Variants in PSTPIP2 observed in about 807,000 individuals in gnomAD.
PSTPIP2 encodes proline-serine-threonine phosphatase interacting protein 2.
In PSTPIP2, 33 loss-of-function variants were observed where a neutral mutation model predicts 63.3. The observed-to-expected ratio is 0.52, with a 90% CI of 0.40 to 0.70. PSTPIP2 has a LOEUF of 0.70. PSTPIP2 is among the 30% of genes least tolerant of loss of function. PSTPIP2 has a pLI of 0.00. For synonymous variants in PSTPIP2, 125 were observed against 132.7 expected, an observed-to-expected ratio of 0.94 and a Z score of 0.40; for missense variants, 312 against 400.7, an observed-to-expected ratio of 0.78 and a Z score of 1.89.
At chr18:46,040,130 G>A in intron 1 of PSTPIP2, 83 bp from the exon 2 acceptor site, 1 of 1,175,104 alleles carries the variant, frequency 8.5e-7, no homozygotes, top group Non-Finnish European at 1.2e-6. Context: ...AAAGAGGTGG[G>A]AAGCTGGCCA....
chr18:46,037,205 T>C (rs912611148), intron 2 of PSTPIP2, among the ~76,000 whole-genome samples: 1 of 152,136 alleles, frequency 6.6e-6, no homozygotes, highest in Non-Finnish European at 1.5e-5. Flanking sequence ...CAGGCTGGAG[T>C]GCAATGGCGA....
intron 1 of PSTPIP2, among the ~76,000 whole-genome samples, chr18:46,041,877 C>T (rs895056416): frequency 2.6e-5 from 4 of 152,278 alleles, no homozygotes; most frequent in Non-Finnish European, 1.5e-5. Context: ...CTCTTCCCAG[C>T]GCCAGTTTGC....
intron 14 of PSTPIP2, among the ~76,000 whole-genome samples, chr18:45,986,012 G>T (rs532887724): frequency 2.0e-5 from 3 of 152,032 alleles, no homozygotes; most frequent in African/African-American, 7.2e-5. Flanking sequence ...CCTGACCTCA[G>T]GTGATCCGCC....
At chr18:46,029,605 A>G (rs932863872) in intron 2 of PSTPIP2, 2 of 770,082 alleles carry the variant, frequency 2.6e-6, no homozygotes, top group Non-Finnish European at 4.8e-6. Flanking sequence ...AATGAAAGCT[A>G]TAATGAACTT....
chr18:46,062,165 T>C (rs1028785428), intron 1 of PSTPIP2, among the ~76,000 whole-genome samples: 2 of 152,162 alleles, frequency 1.3e-5, no homozygotes, highest in African/African-American at 4.8e-5. Flanking sequence ...TCAGTCTCCC[T>C]ACCCTGAACA....
intron 5 of PSTPIP2, among the ~76,000 whole-genome samples, chr18:46,010,057 C>A (rs565152847): frequency 2.0e-5 from 3 of 152,078 alleles, no homozygotes; most frequent in Middle Eastern, 3.2e-3. Context: ...ATGGAAGAGG[C>A]AGTAGTGTGC....
At chr18:46,009,147 A>G (rs1185251449) in intron 5 of PSTPIP2, among the ~76,000 whole-genome samples, 2 of 152,096 alleles carry the variant, frequency 1.3e-5, no homozygotes, top group Non-Finnish European at 2.9e-5. Flanking sequence ...CCACCTTCAT[A>G]AAACATTAGC....
chr18:46,031,718 A>T (rs1907792807), intron 2 of PSTPIP2, among the ~76,000 whole-genome samples: 1 of 152,112 alleles, frequency 6.6e-6, no homozygotes, highest in East Asian at 1.9e-4. Context: ...ATCCATTAAG[A>T]TTTCTTTAGA....
chr18:46,027,034 C>A (rs1188392016), intron 2 of PSTPIP2, among the ~76,000 whole-genome samples: 1 of 152,122 alleles, frequency 6.6e-6, no homozygotes, highest in Non-Finnish European at 1.5e-5. Flanking sequence ...ATGGCTCACA[C>A]CTGTAATCCC....
chr18:46,035,584 G>A (rs929536946), intron 2 of PSTPIP2, among the ~76,000 whole-genome samples: 3 of 152,088 alleles, frequency 2.0e-5, no homozygotes, highest in Admixed American at 2.0e-4. Flanking sequence ...CATCCAAAGC[G>A]TGCTCACCAA....
intron 3 of PSTPIP2, among the ~76,000 whole-genome samples, chr18:46,021,848 C>CAAAAAAAAAAAAAAAAAAAAAAAAA (rs59094808): frequency 3.0e-5 from 1 of 33,286 alleles, no homozygotes; most frequent in Non-Finnish European, 6.6e-5. Context: ...GACTCTGTCT[C>CAAAAAAAAAAAAAAAAAAAAAAAAA]AAAAAAAAAA....
intron 5 of PSTPIP2, among the ~76,000 whole-genome samples, chr18:46,006,627 G>A (rs538221419): frequency 6.6e-6 from 1 of 151,870 alleles, no homozygotes; most frequent in Non-Finnish European, 1.5e-5. Context: ...ACCCACCTCG[G>A]CCTCCCAAAG....
At chr18:46,044,717 A>G (rs1212714260) in intron 1 of PSTPIP2, among the ~76,000 whole-genome samples, 1 of 152,204 alleles carries the variant, frequency 6.6e-6, no homozygotes, top group Non-Finnish European at 1.5e-5. Flanking sequence ...CAGAGTGAAC[A>G]GGCAACCTAC....
At chr18:46,015,989 A>C in intron 3 of PSTPIP2, 52 bp from the exon 4 acceptor site, 1 of 1,569,178 alleles carries the variant, frequency 6.4e-7, no homozygotes, top group Non-Finnish European at 8.7e-7. Flanking sequence ...TCTCTGCACA[A>C]TCTTATTATA....
At chr18:46,064,959 A>T (rs1395118883) in intron 1 of PSTPIP2, among the ~76,000 whole-genome samples, 1 of 151,794 alleles carries the variant, frequency 6.6e-6, no homozygotes, top group Non-Finnish European at 1.5e-5. Flanking sequence ...AGCCTGACCA[A>T]CATGGAAAAA....
Position 46,032,628 on chromosome 18 carries a change from C to T in PSTPIP2, c.134+7319G>A, listed in dbSNP as rs551262191. Among the ~76,000 whole-genome samples the T allele has an allele frequency of 2.0e-5, 3 of 151,872 alleles. No individual in the cohort carries two copies. The South Asian group carries it at 6.2e-4, about 32-fold the overall frequency. The stretch of plus-strand genomic sequence containing the variant: ...AAATTAGCTGGTATGGTAGTGTGCA[C>T]CTGTCATCCCAGCTACTCAGGAGGC... On this transcript the variant is annotated intron_variant, in intron 2 of 14. Transcript: ENST00000409746.
chr18:46,028,117 C>T (rs1907647757), intron 2 of PSTPIP2, among the ~76,000 whole-genome samples: 1 of 152,194 alleles, frequency 6.6e-6, no homozygotes, highest in Non-Finnish European at 1.5e-5. Flanking sequence ...GCCAAGATCG[C>T]GCCATTGCAC....
chr18:46,003,582 T>A (rs987714032), intron 6 of PSTPIP2, among the ~76,000 whole-genome samples: 4 of 152,128 alleles, frequency 2.6e-5, no homozygotes, highest in Non-Finnish European at 4.4e-5. Flanking sequence ...TATTTATTTT[T>A]TTTATTTTTT....
At chr18:46,044,680 C>G (rs1256625747) in intron 1 of PSTPIP2, among the ~76,000 whole-genome samples, 1 of 151,994 alleles carries the variant, frequency 6.6e-6, no homozygotes, top group African/African-American at 2.4e-5. Context: ...AACTAAAGAG[C>G]TTCTGCACAG....
Sources: gnomAD v4.1 joint callset for allele counts (sites outside exome capture counted in the v4.1 genomes callset) on GRCh38, gnomAD v4.1.1 for gene constraint, MANE v1.5 for transcripts, NCBI Gene and HGNC (gene_info 2026-07-23, HGNC 2026-07-21) for gene names.